Variants in DOCK10 observed in about 807,000 individuals in gnomAD.
DOCK10 encodes dedicator of cytokinesis protein 10.
In DOCK10, 145 loss-of-function variants were observed where a neutral mutation model predicts 280.1. The observed-to-expected ratio is 0.52, with a 90% CI of 0.45 to 0.59. DOCK10 has a LOEUF of 0.59. DOCK10 is among the 20% of genes least tolerant of loss of function. The pLI, the probability that DOCK10 is intolerant of heterozygous loss-of-function variation, is 0.00. For synonymous variants in DOCK10, 915 were observed against 942.2 expected (o/e 0.97, Z 0.53); for missense variants, 2,368 against 2,651.7 (o/e 0.89, Z 2.35).
intron 31 of DOCK10, among the ~76,000 whole-genome samples, chr2:224,812,792 T>C (rs933339311): frequency 3.4e-4 from 51 of 152,226 alleles, no homozygotes; most frequent in Admixed American, 1.3e-4. Flanking sequence ...ATTACACTTA[T>C]TGATTTGCGT....
chr2:224,855,564 T>C (rs1031662178), intron 15 of DOCK10, among the ~76,000 whole-genome samples: 3 of 152,130 alleles, frequency 2.0e-5, no homozygotes, highest in South Asian at 2.1e-4. Context: ...CCCACTCCTA[T>C]AGTGTATGCG....
At chr2:224,816,370 C>T (rs1436962308) in intron 30 of DOCK10, among the ~76,000 whole-genome samples, 1 of 151,860 alleles carries the variant, frequency 6.6e-6, no homozygotes, top group African/African-American at 2.4e-5. Flanking sequence ...ATTTTGTTGG[C>T]CTTCTCTTTA....
At chr2:224,828,640 G>A (rs1336409508) in intron 27 of DOCK10, among the ~76,000 whole-genome samples, 1 of 152,182 alleles carries the variant, frequency 6.6e-6, no homozygotes, top group Admixed American at 6.5e-5. Flanking sequence ...AGCAGTCACA[G>A]TCTTGGCTCA....
intron 3 of DOCK10, among the ~76,000 whole-genome samples, chr2:224,909,466 A>C (rs551090785): frequency 6.6e-6 from 1 of 152,218 alleles, no homozygotes; most frequent in Non-Finnish European, 1.5e-5. Context: ...ACTAAGGCAG[A>C]AAAGTTAATA....
chr2:224,928,448 A>G (rs1253434825), intron 2 of DOCK10, among the ~76,000 whole-genome samples: 1 of 152,230 alleles, frequency 6.6e-6, no homozygotes, highest in Non-Finnish European at 1.5e-5. Context: ...GTTTTGAAAT[A>G]TCATCTTTTT....
At chr2:224,783,494 T>G (rs1691504658) in intron 50 of DOCK10, among the ~76,000 whole-genome samples, 1 of 152,054 alleles carries the variant, frequency 6.6e-6, no homozygotes, top group African/African-American at 2.4e-5. Flanking sequence ...CAGGATGGTC[T>G]TCATCTCCTG....
At chr2:224,914,780 T>C (rs535133170) in intron 3 of DOCK10, among the ~76,000 whole-genome samples, 1 of 152,198 alleles carries the variant, frequency 6.6e-6, no homozygotes, top group Admixed American at 6.5e-5. Context: ...TATAAAATAA[T>C]AGAATAAGAT....
chr2:224,862,716 G>T lies in DOCK10; in HGVS notation c.1633C>A (p.Gln545Lys). 1.2e-6 allele frequency: 2 copies of T among 1,609,920 alleles called. No individual in the cohort carries two copies. The highest frequency in any genetic ancestry group is 1.7e-6 in the Non-Finnish European group (2 of 1,177,886). Residue 545 changes from glutamine to lysine, a missense_variant, in exon 14 of 56, where the codon CAA becomes AAA. Gln to Lys is a moderately conservative substitution (Grantham distance 53). Around this residue, in one of 2 missense-constraint regions of DOCK10, gnomAD observed 1,209 missense variants for 1,250.9 expected, o/e 0.97. Coordinates refer to ENST00000258390, the MANE Select transcript of DOCK10 (RefSeq NM_014689.3). ...YAQKILKSNR[Q>K]FCSKLGKYRM... ...TATTTTCCCAATTTGCTGCAGAATT[G>T]TCTGTTGGATTTTAGTATCTTTTGT... is the stretch of plus-strand genomic sequence containing the variant.
intron 4 of DOCK10, among the ~76,000 whole-genome samples, chr2:224,888,777 T>C (rs1282212503): frequency 1.3e-5 from 2 of 151,658 alleles, no homozygotes; most frequent in African/African-American, 4.9e-5. Context: ...TATGTATGTG[T>C]GTGAATATAT....
intron 1 of DOCK10, chr2:224,982,079 T>A: frequency 1.7e-6 from 1 of 598,390 alleles, no homozygotes; most frequent in Non-Finnish European, 2.4e-6. Flanking sequence ...CCCCAAACAG[T>A]ACTTCAGAGT....
intron 11 of DOCK10, among the ~76,000 whole-genome samples, chr2:224,872,629 C>T (rs1698361698): frequency 1.3e-5 from 2 of 152,160 alleles, no homozygotes; most frequent in Non-Finnish European, 2.9e-5. Context: ...TTCTGCCATC[C>T]ACTCACTGTC....
chr2:225,014,022 C>G (rs1241806824), intron 1 of DOCK10, among the ~76,000 whole-genome samples: 1 of 151,188 alleles, frequency 6.6e-6, no homozygotes, highest in Non-Finnish European at 1.5e-5. Flanking sequence ...CTACTTAGAC[C>G]ACAGCCATGA....
At chr2:224,929,167 T>A (rs990714753) in intron 2 of DOCK10, among the ~76,000 whole-genome samples, 2 of 152,242 alleles carry the variant, frequency 1.3e-5, no homozygotes, top group Non-Finnish European at 2.9e-5. Context: ...ATTTTCCTCA[T>A]AGAATTGGTC....
chr2:224,906,413 G>A (rs1277199592), intron 3 of DOCK10, among the ~76,000 whole-genome samples: 1 of 152,098 alleles, frequency 6.6e-6, no homozygotes, highest in Non-Finnish European at 1.5e-5. Flanking sequence ...ACTCTGGTAT[G>A]CTTTTAGTTG....
chr2:225,019,017 G>T (rs1425112674), intron 1 of DOCK10, among the ~76,000 whole-genome samples: 2 of 120,018 alleles, frequency 1.7e-5, no homozygotes, highest in African/African-American at 6.8e-5. Flanking sequence ...TCTTGGAAAG[G>T]CCTAGAACTA....
intron 21 of DOCK10, 67 bp downstream of exon 21, chr2:224,845,136 G>C: frequency 6.8e-7 from 1 of 1,461,706 alleles, no homozygotes; most frequent in East Asian, 2.5e-5. Flanking sequence ...AGCAGAGAAA[G>C]AAGATAATCT....
At chr2:224,777,601 G>A (rs1690968769) in intron 51 of DOCK10, among the ~76,000 whole-genome samples, 2 of 152,162 alleles carry the variant, frequency 1.3e-5, no homozygotes, top group South Asian at 2.1e-4. Flanking sequence ...ATTGAAGGCT[G>A]CACTGTCAAC....
At chr2:224,895,785 A>AC (rs60536669) in intron 4 of DOCK10, among the ~76,000 whole-genome samples, 26,617 of 151,552 alleles carry the variant, frequency 0.18, 3,864 homozygotes, top group African/African-American at 0.41. Context: ...AGAGTCAGGA[A>AC]AAAATCAGGT....
intron 7 of DOCK10, among the ~76,000 whole-genome samples, chr2:224,876,469 C>A (rs10169941): frequency 0.18 from 26,713 of 152,058 alleles, 3,855 homozygotes; most frequent in African/African-American, 0.41. Context: ...TTAGCTTGAA[C>A]ATTTCATCAC....
Sources: allele counts gnomAD v4.1 joint callset (sites outside exome capture counted in the v4.1 genomes callset), GRCh38; gene constraint gnomAD v4.1.1; regional missense constraint gnomAD v4.1.1; transcripts MANE v1.5; gene names NCBI Gene and HGNC (gene_info 2026-07-23, HGNC 2026-07-21).